Variants in HIRA observed in about 807,000 individuals in gnomAD.
The protein encoded by HIRA is protein HIRA.
In HIRA, 13 loss-of-function variants were observed where a neutral mutation model predicts 126.6. That is an observed-to-expected ratio of 0.10 (90% confidence interval 0.07 to 0.16). The LOEUF is 0.16. Ranked by LOEUF, HIRA falls within the 10% of genes least tolerant of loss-of-function variation. HIRA has a pLI of 1.00. For synonymous variants in HIRA, 511 were observed against 520.0 expected (o/e 0.98, Z 0.24); for missense variants, 834 against 1,314.4 (o/e 0.63, Z 5.65).
chr22:19,358,168 T>A (rs917513989), intron 18 of HIRA, among the ~76,000 whole-genome samples: 7 of 152,096 alleles, frequency 4.6e-5, no homozygotes, highest in African/African-American at 1.4e-4. Context: ...CCTGGCTAAT[T>A]TTTGTATTTT....
At chr22:19,373,931 C>CTTTTTTTTTTTTTTTTTTTTT (rs1254884863) in intron 15 of HIRA, among the ~76,000 whole-genome samples, 1 of 149,794 alleles carries the variant, frequency 6.7e-6, no homozygotes. Context: ...ACTGCTCTGG[C>CTTTTTTTTTTTTTTTTTTTTT]TTTTTTGTTC....
chr22:19,354,193 G>C (rs2088787688), intron 21 of HIRA, 75 bp from the exon 22 acceptor site: 3 of 1,484,572 alleles, frequency 2.0e-6, no homozygotes, highest in Non-Finnish European at 1.8e-6. Flanking sequence ...ACCAGAGAAG[G>C]CTGGCAAAGA....
intron 9 of HIRA, among the ~76,000 whole-genome samples, chr22:19,390,994 G>A (rs959744661): frequency 1.3e-5 from 2 of 151,380 alleles, no homozygotes; most frequent in Non-Finnish European, 2.9e-5. Flanking sequence ...CTACTCATAG[G>A]TATGTACTCA....
intron 3 of HIRA, among the ~76,000 whole-genome samples, chr22:19,407,571 C>A (rs1229562740): frequency 1.3e-5 from 2 of 152,116 alleles, no homozygotes; most frequent in African/African-American, 4.8e-5. Context: ...AAAATGATAA[C>A]CAAATCTCAT....
rs776355358 is a variant in HIRA at position 19,394,417 on chromosome 22, A to C, written c.747T>G (p.Thr249=). Residue 249 remains threonine, a synonymous_variant, in exon 8 of 25, where the codon ACT becomes ACG. Transcript: ENST00000263208. ...ATCCCTCCCGTTCGATGATCTGGGC[A>C]GTGGGGCCTGAGTTGTTCATGGCAT... is the stretch of plus-strand genomic sequence containing the variant. ...SAHAMNNSGP[T]AQIIEREGWK... 2.5e-6 allele frequency: 4 copies of C among 1,613,982 alleles called. No individual in the cohort carries two copies. The Admixed American group carries it at 5.0e-5, about 20-fold the overall frequency.
chr22:19,411,066 T>C (rs117482277), intron 1 of HIRA, among the ~76,000 whole-genome samples: 1 of 152,214 alleles, frequency 6.6e-6, no homozygotes, highest in Admixed American at 6.5e-5. Flanking sequence ...GGCACACAGC[T>C]GTAACTCCAG....
Position 19,410,675 on chromosome 22 carries a change from A to G in HIRA, c.100+41T>C. 2.7e-6 allele frequency: 4 copies of G among 1,465,208 alleles called. No individual in the cohort carries two copies. The South Asian group carries it at 4.6e-5, about 17-fold the overall frequency. The allele number at this position is 1,465,208 out of a possible 1,614,324, so 90.8% of individuals were successfully genotyped here. A position where few individuals can be genotyped will look rare whatever the true frequency, so the allele number is the denominator to read the frequency against. ...GACAGCAGGAGAAGAGCAAGGTGGC[A>G]GGGCTGTTAAGCTTTCCCTTTCTTT... is the stretch of plus-strand genomic sequence containing the variant. On this transcript the variant is annotated intron_variant, in intron 2 of 24. Coordinates refer to ENST00000263208, the MANE Select transcript of HIRA (RefSeq NM_003325.4).
Position 19,381,793 on chromosome 22 carries a change from C to T in HIRA, c.1415+1827G>A, listed in dbSNP as rs926627023. On this transcript the variant is annotated intron_variant, in intron 13 of 24. Transcript: ENST00000263208. ...ATGTTCATTTCAAAATAAAAATTTG[C>T]ACATTTCTTCTCCATGCACTAGAAT... is the stretch of plus-strand genomic sequence containing the variant. 3.9e-5 allele frequency among the ~76,000 whole-genome samples: 6 copies of T among 152,120 alleles called. No individual in the cohort carries two copies. In the East Asian group the frequency reaches 9.6e-4, roughly 24 times the overall value.
intron 15 of HIRA, among the ~76,000 whole-genome samples, chr22:19,363,961 A>C (rs1310952534): frequency 6.6e-6 from 1 of 152,212 alleles, no homozygotes; most frequent in Non-Finnish European, 1.5e-5. Context: ...GTCATTATAC[A>C]TTGGTTAAAC....
chr22:19,369,816 C>T (rs796838259), intron 15 of HIRA, among the ~76,000 whole-genome samples: 4 of 152,208 alleles, frequency 2.6e-5, no homozygotes, highest in African/African-American at 9.6e-5. Flanking sequence ...CCTGTAATCC[C>T]AGCTACTAGG....
At chr22:19,408,458 C>G in intron 3 of HIRA, 25 bp downstream of exon 3, 1 of 1,450,438 alleles carries the variant, frequency 6.9e-7, no homozygotes, top group East Asian at 2.3e-5. Flanking sequence ...ACACGCAAAG[C>G]CTGCAAAGGG....
chr22:19,335,800 G>C (rs189473727), intron 24 of HIRA, among the ~76,000 whole-genome samples: 17 of 152,166 alleles, frequency 1.1e-4, no homozygotes, highest in African/African-American at 4.1e-4. Flanking sequence ...CATAGTGAAT[G>C]TCTTAACTAT....
chr22:19,334,768 C>T (rs1369501048), intron 24 of HIRA, among the ~76,000 whole-genome samples: 16 of 152,096 alleles, frequency 1.1e-4, no homozygotes, highest in Admixed American at 1.0e-3. Context: ...AGCTGGGTTT[C>T]TTATAAGCAG....
chr22:19,349,366 G>T (rs2146184654), intron 24 of HIRA, among the ~76,000 whole-genome samples: 1 of 152,114 alleles, frequency 6.6e-6, no homozygotes, highest in African/African-American at 2.4e-5. Flanking sequence ...GTTTCCCAAA[G>T]TGCTGGGATT....
intron 9 of HIRA, among the ~76,000 whole-genome samples, chr22:19,390,938 T>C (rs998770963): frequency 2.8e-4 from 43 of 150,914 alleles, no homozygotes; most frequent in African/African-American, 1.0e-3. Context: ...ATGTCCTTGC[T>C]GACACTTGGT....
chr22:19,348,559 G>A (rs78786259), intron 24 of HIRA, among the ~76,000 whole-genome samples: 6,006 of 151,722 alleles, frequency 0.04, 281 homozygotes, highest in African/African-American at 0.1. Context: ...GCAATGGCGC[G>A]ATCTCGGCTC....
At chr22:19,347,131 C>T (rs2146180751) in intron 24 of HIRA, among the ~76,000 whole-genome samples, 1 of 152,310 alleles carries the variant, frequency 6.6e-6, no homozygotes, top group Middle Eastern at 3.4e-3. Context: ...AGGTTTCTGC[C>T]TGCCTCCCAC....
intron 7 of HIRA, among the ~76,000 whole-genome samples, chr22:19,394,996 C>T (rs2146228672): frequency 1.3e-5 from 2 of 152,360 alleles, no homozygotes; most frequent in Middle Eastern, 3.4e-3. Context: ...GCACCACCTA[C>T]TCTCTTGAGC....
chr22:19,414,828 C>T (rs1470645288), intron 1 of HIRA, among the ~76,000 whole-genome samples: 2 of 152,238 alleles, frequency 1.3e-5, no homozygotes, highest in Admixed American at 1.3e-4. Context: ...TTGAGACCAG[C>T]CTGACCAACA....
Sources: gnomAD v4.1 joint callset for allele counts (sites outside exome capture counted in the v4.1 genomes callset) on GRCh38, gnomAD v4.1.1 for gene constraint, MANE v1.5 for transcripts, NCBI Gene and HGNC (gene_info 2026-07-23, HGNC 2026-07-21) for gene names.